FAM178B: variants seen among roughly 807,000 people sequenced by gnomAD.
FAM178B encodes the protein protein FAM178B.
A neutral mutation model predicts 91.7 loss-of-function variants in FAM178B; 82 were observed. The ratio of observed to expected loss-of-function variants is 0.89; its 90% CI spans 0.75 to 1.07. FAM178B has a LOEUF of 1.07. FAM178B is among the 50% of genes least tolerant of loss of function. The pLI, the probability that FAM178B is intolerant of heterozygous loss-of-function variation, is 0.00. For missense variants in FAM178B, 769 were observed against 846.7 expected, an observed-to-expected ratio of 0.91 and a Z score of 1.14; for synonymous variants, 368 against 359.4, an observed-to-expected ratio of 1.02 and a Z score of -0.27.
intron 12 of FAM178B, among the ~76,000 whole-genome samples, chr2:96,911,247 C>T (rs939503687): frequency 1.3e-5 from 2 of 152,198 alleles, no homozygotes; most frequent in African/African-American, 4.8e-5. Context: ...GTGAGGGGGA[C>T]AGCCTGATGG....
intron 14 of FAM178B, among the ~76,000 whole-genome samples, chr2:96,880,065 G>C (rs1342037317): frequency 6.6e-6 from 1 of 152,262 alleles, no homozygotes; most frequent in Non-Finnish European, 1.5e-5. Context: ...ACATGAGAGG[G>C]AGAAAGATAC....
At chr2:96,943,111 A>T (rs2081761650) in intron 8 of FAM178B, among the ~76,000 whole-genome samples, 1 of 152,208 alleles carries the variant, frequency 6.6e-6, no homozygotes, top group Admixed American at 6.5e-5. Context: ...TAATTTTGAC[A>T]CCACAAAAGA....
chr2:96,924,486 G>A (rs1023894827), intron 9 of FAM178B, among the ~76,000 whole-genome samples: 4 of 152,214 alleles, frequency 2.6e-5, no homozygotes, highest in Admixed American at 6.5e-5. Flanking sequence ...GCTGGGGAAA[G>A]AAAAATCCCC....
chr2:96,896,909 C>A (rs540757733), intron 13 of FAM178B, among the ~76,000 whole-genome samples: 13 of 152,344 alleles, frequency 8.5e-5, no homozygotes, highest in African/African-American at 3.1e-4. Context: ...CTCCGTCCCC[C>A]AGGCTGGAGT....
Position 96,921,584 on chromosome 2 carries a change from A to C in FAM178B, c.1358T>G (p.Leu453Arg), listed in dbSNP as rs1481480819. Residue 453 changes from leucine (L) to arginine (R), a missense_variant, in exon 11 of 17, where the codon CTG becomes CGG. Coordinates refer to ENST00000490605, the MANE Select transcript of FAM178B (RefSeq NM_001122646.3). ...TDENLMGLIE[L>R]LCRTSLDVGL... ...CACGTCCAGGCTGGTGCGGCACAGC[A>C]GCTCAATCAGTCCCATGAGGTTCTC... The C allele has an allele frequency of 1.3e-6, 2 of 1,551,608 alleles. No individual in the cohort carries two copies. The highest frequency in any genetic ancestry group is 2.7e-5 in the African/African-American group (2 of 73,056).
intron 5 of FAM178B, among the ~76,000 whole-genome samples, chr2:96,960,728 C>T (rs1470651538): frequency 6.6e-6 from 1 of 152,242 alleles, no homozygotes; most frequent in Non-Finnish European, 1.5e-5. Context: ...ACTTCCACTG[C>T]ACACCTACAA....
At chr2:96,905,816 G>GTATATATATATATATATA (rs1434487897) in intron 12 of FAM178B, among the ~76,000 whole-genome samples, 2 of 36,748 alleles carry the variant, frequency 5.4e-5, no homozygotes, top group African/African-American at 2.5e-4. Flanking sequence ...ACATATATGT[G>GTATATATATATATATATA]TGTATATATA....
At chr2:96,940,049 C>T (rs2081700773) in intron 8 of FAM178B, among the ~76,000 whole-genome samples, 1 of 152,088 alleles carries the variant, frequency 6.6e-6, no homozygotes, top group Admixed American at 6.5e-5. Context: ...GGAGCTGGGC[C>T]CTGGGGTCTC....
chr2:96,914,074 G>A (rs1222915677), intron 12 of FAM178B, among the ~76,000 whole-genome samples: 1 of 152,238 alleles, frequency 6.6e-6, no homozygotes, highest in Non-Finnish European at 1.5e-5. Context: ...TGATATTCTA[G>A]TCCACGCTCT....
rs1353288183 is a variant in FAM178B, at chr2:96,894,032, A to G, written c.1670T>C (p.Leu557Pro). Reference sequence around the variant, plus strand: ...AGATGATGGCCTCATGAGGCCCAGGAGCCGGCTGAGCGAGGACAGCTGGGG... The same window carrying G: ...AGATGATGGCCTCATGAGGCCCAGGGGCCGGCTGAGCGAGGACAGCTGGGG... The part of the protein sequence containing the change: ...EKTQLSSLSR[L>P]LGLMRPSSLR... The change falls in exon 14 of 17, where the codon CTC becomes CCC. Residue 557 changes from leucine to proline, a missense_variant. Leu to Pro is a moderately conservative substitution (Grantham distance 98). Transcript: ENST00000490605. 1 of 1,611,068 alleles carries G rather than the reference A, an allele frequency of 6.2e-7. No homozygotes were observed.
intron 14 of FAM178B, among the ~76,000 whole-genome samples, chr2:96,891,743 G>A (rs2080686814): frequency 6.6e-6 from 1 of 152,200 alleles, no homozygotes; most frequent in Non-Finnish European, 1.5e-5. Context: ...GGAAGGAGCT[G>A]GGCAGAAGTG....
Position 96,907,758 on chromosome 2 carries a change from A to G in FAM178B, c.1563-5051T>C, listed in dbSNP as rs1169084098. Among the ~76,000 whole-genome samples the G allele has an allele frequency of 2.6e-5, 4 of 152,178 alleles. No homozygotes were observed. In the East Asian group the frequency reaches 7.7e-4, roughly 29 times the overall value. ...GGCACCCAGGAAGGCAAAGGCACCA[A>G]CCACGTGGGCTGCTGGGATGTCGGG... On this transcript the variant is annotated intron_variant, in intron 12 of 16. Transcript: ENST00000490605.
At chr2:96,912,840 C>T (rs1336191638) in intron 12 of FAM178B, among the ~76,000 whole-genome samples, 6 of 152,180 alleles carry the variant, frequency 3.9e-5, no homozygotes, top group African/African-American at 1.4e-4. Flanking sequence ...TTGACTGCCT[C>T]CTTCCAGACC....
intron 7 of FAM178B, 42 bp from the exon 8 acceptor site, chr2:96,947,944 G>A (rs766111883): frequency 3.7e-6 from 4 of 1,075,024 alleles, no homozygotes; most frequent in Non-Finnish European, 4.2e-6. Flanking sequence ...CTGGTGAGCT[G>A]GGTCATTCCT....
chr2:96,938,595 G>A (rs1383705750), intron 8 of FAM178B, among the ~76,000 whole-genome samples: 2 of 152,226 alleles, frequency 1.3e-5, no homozygotes, highest in African/African-American at 2.4e-5. Context: ...GAGACGCAGT[G>A]TTTCTGGAGA....
rs60965536 is a variant in FAM178B at position 96,967,911 on chromosome 2, CT to C, written c.627-285del. On this transcript the variant is annotated intron_variant, in intron 4 of 16. Coordinates refer to ENST00000490605, the MANE Select transcript of FAM178B (RefSeq NM_001122646.3). ...TCTTTACTTGTGTACCCTGTTTGGT[CT>C]TTTTTTTTTTTTTTTTTTTTTTTTT... 5.8e-3 allele frequency among the ~76,000 whole-genome samples: 361 copies of C among 62,418 alleles called. 2 individuals are homozygous for C. The highest frequency in any genetic ancestry group is 0.016 in the African/African-American group (273 of 16,550). 40.9% of individuals were successfully genotyped at this position (62,418 alleles called of 152,430 possible).
At chr2:96,979,332 T>C (rs1037265090) in intron 1 of FAM178B, among the ~76,000 whole-genome samples, 1 of 137,858 alleles carries the variant, frequency 7.3e-6, no homozygotes, top group Admixed American at 8.2e-5. Flanking sequence ...CAGGCTGGAG[T>C]GCAGTGGTAC....
rs139591927 is a variant in FAM178B, at chr2:96,981,547, C to T, written c.73+4694G>A. Among the ~76,000 whole-genome samples, 590 of 151,904 alleles carry T rather than the reference C, an allele frequency of 3.9e-3. 1 individual carries two copies. The highest frequency in any genetic ancestry group is 5.9e-3 in the Non-Finnish European group (400 of 67,958). On this transcript the variant is annotated intron_variant, in intron 1 of 16. Transcript: ENST00000490605. ...CAGGCAGATCACGAGGTGAGGAGAT[C>T]GAGGTCACCCTGGCCAACACGTGAA...
chr2:96,895,667 G>A (rs765651196), intron 13 of FAM178B, among the ~76,000 whole-genome samples: 3 of 152,244 alleles, frequency 2.0e-5, no homozygotes, highest in Non-Finnish European at 4.4e-5. Flanking sequence ...GGGGCAGGGC[G>A]GGGAGTAAGT....
Sources: allele counts gnomAD v4.1 joint callset (sites outside exome capture counted in the v4.1 genomes callset), GRCh38; gene constraint gnomAD v4.1.1; transcripts MANE v1.5; gene names NCBI Gene and HGNC (gene_info 2026-07-23, HGNC 2026-07-21).